Variants in ARHGEF28 observed in about 807,000 individuals in gnomAD.
ARHGEF28 encodes the protein Rho guanine nucleotide exchange factor 28.
ARHGEF28 carries 152 observed loss-of-function variants against 206.6 expected under a neutral mutation model. That is an observed-to-expected ratio of 0.74 (90% CI 0.64 to 0.84). The LOEUF is 0.84. Ranked by LOEUF, ARHGEF28 falls within the 40% of genes least tolerant of loss-of-function variation. ARHGEF28 has a pLI of 0.00. For missense variants in ARHGEF28, 2,028 were observed against 2,073.2 expected (o/e 0.98, Z 0.42); for synonymous variants, 763 against 776.4 (o/e 0.98, Z 0.29).
rs1742644464 is a variant in ARHGEF28 at position 73,941,845 on chromosome 5, G to A, written c.*832G>A. 6.6e-6 allele frequency: 1 copy of A among 152,118 alleles called. No individual in the cohort carries two copies. The highest frequency in any genetic ancestry group is 1.5e-5 in the Non-Finnish European group (1 of 68,036). 9.4% of individuals were successfully genotyped at this position (152,118 alleles called of 1,614,324 possible). A position where few individuals can be genotyped will look rare whatever the true frequency, so the allele number is the denominator to read the frequency against. ...CTGCCCACTCCTCATTAAGTTTGCT[G>A]CCTGGATACACTTTTCCACAAAGGA... On this transcript the variant is annotated 3_prime_UTR_variant, in exon 36 of 36. Transcript: ENST00000513042.
intron 1 of ARHGEF28, among the ~76,000 whole-genome samples, chr5:73,673,200 C>T (rs945369281): frequency 6.6e-6 from 1 of 152,168 alleles, no homozygotes; most frequent in Non-Finnish European, 1.5e-5. Context: ...AAGGTTTTTA[C>T]TTAGACTTGG....
At chr5:73,724,181 T>C (rs971488920) in intron 2 of ARHGEF28, among the ~76,000 whole-genome samples, 1 of 152,224 alleles carries the variant, frequency 6.6e-6, no homozygotes, top group Admixed American at 6.5e-5. Flanking sequence ...GTGTCTGATT[T>C]GTCATGGGTG....
chr5:73,838,602 T>A (rs1370150446), intron 10 of ARHGEF28, among the ~76,000 whole-genome samples: 1 of 152,186 alleles, frequency 6.6e-6, no homozygotes, highest in Non-Finnish European at 1.5e-5. Flanking sequence ...ATGGTAATAT[T>A]TTACTACATT....
At chr5:73,669,345 A>G (rs1746165022) in intron 1 of ARHGEF28, among the ~76,000 whole-genome samples, 1 of 152,232 alleles carries the variant, frequency 6.6e-6, no homozygotes, top group Non-Finnish European at 1.5e-5. Flanking sequence ...CATACATTCT[A>G]GCATAATTTT....
At chr5:73,657,921 G>A (rs1452665285) in intron 1 of ARHGEF28, among the ~76,000 whole-genome samples, 1 of 152,156 alleles carries the variant, frequency 6.6e-6, no homozygotes, top group Non-Finnish European at 1.5e-5. Context: ...CTGGGCTGCT[G>A]AGACCATTAA....
chr5:73,913,405 G>A (rs1490368655), intron 35 of ARHGEF28, among the ~76,000 whole-genome samples: 2 of 152,106 alleles, frequency 1.3e-5, no homozygotes, highest in East Asian at 1.9e-4. Context: ...GAGAATAGGC[G>A]GTGATAAGAA....
At chr5:73,705,277 A>G (rs1421928906) in intron 2 of ARHGEF28, among the ~76,000 whole-genome samples, 1 of 152,190 alleles carries the variant, frequency 6.6e-6, no homozygotes, top group African/African-American at 2.4e-5. Flanking sequence ...CTTAAAAAAC[A>G]CTTTAAAGAT....
chr5:73,809,421 G>T (rs187133689), intron 9 of ARHGEF28, among the ~76,000 whole-genome samples: 1 of 152,188 alleles, frequency 6.6e-6, no homozygotes, highest in East Asian at 1.9e-4. Context: ...CAGAAAATGG[G>T]AATGACTTGG....
chr5:73,729,560 T>C (rs1002464561), intron 2 of ARHGEF28, among the ~76,000 whole-genome samples: 6 of 152,198 alleles, frequency 3.9e-5, no homozygotes, highest in Non-Finnish European at 8.8e-5. Flanking sequence ...AAAAGTCATT[T>C]AGATGGCCAT....
intron 11 of ARHGEF28, among the ~76,000 whole-genome samples, chr5:73,841,733 G>A (rs1554069641): frequency 6.8e-6 from 1 of 148,060 alleles, no homozygotes. Flanking sequence ...AAAAAAGAGA[G>A]AAAAAGAAAA....
At chr5:73,744,268 T>C (rs1751600892) in intron 2 of ARHGEF28, among the ~76,000 whole-genome samples, 1 of 152,180 alleles carries the variant, frequency 6.6e-6, no homozygotes, top group African/African-American at 2.4e-5. Flanking sequence ...ATAAAATACT[T>C]TGTGCCCACG....
chr5:73,727,230 A>C (rs1297341933), intron 2 of ARHGEF28, among the ~76,000 whole-genome samples: 2 of 152,224 alleles, frequency 1.3e-5, no homozygotes, highest in Admixed American at 1.3e-4. Flanking sequence ...GGGAATACTA[A>C]GAAGATGGGC....
At chr5:73,887,254 G>T (rs1342310257) in intron 25 of ARHGEF28, among the ~76,000 whole-genome samples, 1 of 152,146 alleles carries the variant, frequency 6.6e-6, no homozygotes, top group Admixed American at 6.5e-5. Context: ...TATAATTTGA[G>T]GTAGAAGCTG....
chr5:73,738,821 A>C (rs1377017394), intron 2 of ARHGEF28, among the ~76,000 whole-genome samples: 2 of 152,206 alleles, frequency 1.3e-5, no homozygotes, highest in Admixed American at 1.3e-4. Context: ...GGCCCACAAT[A>C]ACCTTCAGAT....
At chr5:73,763,123 G>A (rs1414186456) in intron 4 of ARHGEF28, among the ~76,000 whole-genome samples, 2 of 152,080 alleles carry the variant, frequency 1.3e-5, no homozygotes, top group Non-Finnish European at 2.9e-5. Context: ...ATGGATAATC[G>A]TTGTCCATCT....
chr5:73,637,175 C>T (rs1385609827), intron 1 of ARHGEF28, among the ~76,000 whole-genome samples: 1 of 151,950 alleles, frequency 6.6e-6, no homozygotes. Flanking sequence ...TGTACCTAAC[C>T]CCAGTGAGGC....
chr5:73,892,845 A>G (rs1391153496), intron 27 of ARHGEF28, among the ~76,000 whole-genome samples: 1 of 152,182 alleles, frequency 6.6e-6, no homozygotes, highest in Non-Finnish European at 1.5e-5. Context: ...GAAGTTATAT[A>G]AAATTTCTCT....
intron 25 of ARHGEF28, 54 bp downstream of exon 25, chr5:73,886,158 C>T: frequency 6.5e-7 from 1 of 1,532,084 alleles, no homozygotes; most frequent in Non-Finnish European, 8.8e-7. Flanking sequence ...ATTCATTTAA[C>T]AGAGGACAGA....
intron 35 of ARHGEF28, among the ~76,000 whole-genome samples, chr5:73,919,701 A>T (rs1193267110): frequency 6.6e-6 from 1 of 152,200 alleles, no homozygotes; most frequent in Non-Finnish European, 1.5e-5. Context: ...TCTAGTGTAA[A>T]CTATTTGTCA....
Sources: gnomAD v4.1 joint callset for allele counts (sites outside exome capture counted in the v4.1 genomes callset) on GRCh38, gnomAD v4.1.1 for gene constraint, MANE v1.5 for transcripts, NCBI Gene and HGNC (gene_info 2026-07-23, HGNC 2026-07-21) for gene names.